ADAMTS20: variants seen among roughly 807,000 people sequenced by gnomAD.
ADAMTS20 encodes the protein ADAM metallopeptidase with thrombospondin type 1 motif 20, also known as A disintegrin and metalloproteinase with thrombospondin motifs 20.
In ADAMTS20, 225 loss-of-function variants were observed where a neutral mutation model predicts 260.1. The observed-to-expected ratio is 0.87, with a 90% confidence interval of 0.78 to 0.97. The LOEUF (loss-of-function observed/expected upper bound fraction) is 0.97. Among genes scored for constraint, ADAMTS20 ranks in the 50% least tolerant of loss-of-function variants. The probability of loss-of-function intolerance (pLI) is 0.00; values close to 1 mark genes in which losing one functional copy is unlikely to be tolerated. For synonymous variants in ADAMTS20, 802 were observed against 769.5 expected, an observed-to-expected ratio of 1.04 and a Z score of -0.70; for missense variants, 2,400 against 2,337.7, an observed-to-expected ratio of 1.03 and a Z score of -0.55.
rs542259243 is a variant in ADAMTS20 at position 43,537,629 on chromosome 12, T to C, written c.454-5434A>G. ...AGGTCTTACTCATTCTAATTTTTTA[T>C]ACTCATTAACCATCCCCACCTCTCC... On this transcript the variant is annotated intron_variant, in intron 2 of 38. Transcript: ENST00000389420. Among the ~76,000 whole-genome samples, 4 of 152,272 alleles carry C rather than the reference T, an allele frequency of 2.6e-5. No individual in the cohort carries two copies. The South Asian group carries it at 8.3e-4, about 32-fold the overall frequency.
intron 16 of ADAMTS20, among the ~76,000 whole-genome samples, chr12:43,440,427 C>T (rs1290774910): frequency 2.6e-5 from 4 of 152,238 alleles, no homozygotes; most frequent in Non-Finnish European, 5.9e-5. Flanking sequence ...GGATTACAGG[C>T]GTGAGCAACC....
intron 7 of ADAMTS20, among the ~76,000 whole-genome samples, chr12:43,487,955 GAA>G (rs1336874703): frequency 3.3e-5 from 5 of 152,086 alleles, no homozygotes; most frequent in Non-Finnish European, 7.4e-5. Flanking sequence ...CAGATTCTAA[GAA>G]AAAGAGAGGA....
chr12:43,448,572 C>T (rs868849201), intron 14 of ADAMTS20, among the ~76,000 whole-genome samples: 9 of 152,020 alleles, frequency 5.9e-5, no homozygotes, highest in Admixed American at 1.3e-4. Flanking sequence ...ATTCTGGACA[C>T]AAGAACTGGC....
At chr12:43,441,959 T>A (rs1941673625) in intron 16 of ADAMTS20, among the ~76,000 whole-genome samples, 1 of 152,204 alleles carries the variant, frequency 6.6e-6, no homozygotes, top group South Asian at 2.1e-4. Context: ...AAGATCTATA[T>A]TTAGTCTATG....
At chr12:43,522,185 CA>C (rs1943081058) in intron 3 of ADAMTS20, among the ~76,000 whole-genome samples, 2 of 149,138 alleles carry the variant, frequency 1.3e-5, no homozygotes, top group South Asian at 2.2e-4. Flanking sequence ...AGTGAGGAAG[CA>C]AGGCACGTTA....
At chr12:43,410,202 T>C (rs894093638) in intron 28 of ADAMTS20, among the ~76,000 whole-genome samples, 6 of 152,062 alleles carry the variant, frequency 3.9e-5, no homozygotes, top group Non-Finnish European at 5.9e-5. Flanking sequence ...AAGAAAAAGT[T>C]ATCAAAACCA....
intron 7 of ADAMTS20, among the ~76,000 whole-genome samples, chr12:43,471,220 G>A (rs906401582): frequency 2.0e-5 from 3 of 152,144 alleles, no homozygotes; most frequent in Non-Finnish European, 2.9e-5. Flanking sequence ...AAAGAAAGGG[G>A]TGACGGACGC....
Position 43,410,692 on chromosome 12 carries a change from A to C in ADAMTS20, c.4285-11459T>G, listed in dbSNP as rs1285879110. ...CAAAAGATATAGATGAAAGGATTAG[A>C]GATTACTTCTAGGGGAGGAAAGACT... On this transcript the variant is annotated intron_variant, in intron 28 of 38. Transcript: ENST00000389420. 5.9e-5 allele frequency among the ~76,000 whole-genome samples: 9 copies of C among 152,220 alleles called. No homozygotes were observed. In the East Asian group the frequency reaches 1.7e-3, roughly 29 times the overall value.
At chr12:43,427,138 A>T (rs548193574) in intron 27 of ADAMTS20, among the ~76,000 whole-genome samples, 170 bp downstream of exon 27, 1 of 152,308 alleles carries the variant, frequency 6.6e-6, no homozygotes, top group African/African-American at 2.4e-5. Flanking sequence ...ACGACACTGC[A>T]TTCCAGCCTG....
intron 6 of ADAMTS20, 150 bp from the exon 7 acceptor site, chr12:43,490,585 A>C (rs897829928): frequency 1.3e-5 from 6 of 463,614 alleles, no homozygotes; most frequent in Non-Finnish European, 2.3e-5. Context: ...AAAAGTCTAA[A>C]CCTAGAGTAA....
chr12:43,357,164 G>T (rs1939764333), intron 37 of ADAMTS20, among the ~76,000 whole-genome samples: 1 of 152,032 alleles, frequency 6.6e-6, no homozygotes, highest in Admixed American at 6.6e-5. Flanking sequence ...CAGTTAAATT[G>T]TAAATATTAA....
At chr12:43,484,268 A>T (rs1942486727) in intron 7 of ADAMTS20, among the ~76,000 whole-genome samples, 1 of 152,182 alleles carries the variant, frequency 6.6e-6, no homozygotes, top group African/African-American at 2.4e-5. Context: ...CAATATTAAA[A>T]ACAGGGTTCT....
intron 4 of ADAMTS20, among the ~76,000 whole-genome samples, chr12:43,501,075 T>TTTTTTTG (rs1942752013): frequency 1.4e-5 from 2 of 142,746 alleles, no homozygotes; most frequent in African/African-American, 2.6e-5. Flanking sequence ...TTTTTTTTTT[T>TTTTTTTG]GAGTCATAGT....
intron 14 of ADAMTS20, among the ~76,000 whole-genome samples, chr12:43,450,254 T>C (rs1294606418): frequency 1.3e-5 from 2 of 152,188 alleles, no homozygotes; most frequent in Non-Finnish European, 2.9e-5. Flanking sequence ...GCAGCTCCTC[T>C]CCATGAAGAA....
At chr12:43,402,393 A>G (rs2137256643) in intron 28 of ADAMTS20, among the ~76,000 whole-genome samples, 1 of 152,182 alleles carries the variant, frequency 6.6e-6, no homozygotes, top group Non-Finnish European at 1.5e-5. Flanking sequence ...TATGCTTTAT[A>G]CTTTTAAAGT....
intron 3 of ADAMTS20, among the ~76,000 whole-genome samples, chr12:43,511,598 G>A (rs1305970914): frequency 1.3e-5 from 2 of 152,060 alleles, no homozygotes; most frequent in Non-Finnish European, 2.9e-5. Flanking sequence ...TGAAGAGCAA[G>A]ACAAAAGAGT....
In ADAMTS20 at chr12:43,432,656, T is replaced by C; in HGVS notation, c.2876A>G (p.Glu959Gly). The change falls in exon 20 of 39, where the codon GAA becomes GGA. Residue 959 changes from glutamate to glycine, a missense_variant. Glu to Gly is a moderately conservative substitution (Grantham distance 98, BLOSUM62 -2). Coordinates refer to ENST00000389420, the MANE Select transcript of ADAMTS20 (RefSeq NM_025003.5). ...CGDQLKPPTQ[E>G]LCHGNCVFTR... The stretch of plus-strand genomic sequence containing the variant: ...GAAGACACAGTTACCATGGCATAGT[T>C]CTTGGGTAGGAGGTTTAAGCTGGTC... 6.2e-7 allele frequency: 1 copy of C among 1,613,984 alleles called. No homozygotes were observed.
chr12:43,401,570 T>C (rs147233336), intron 28 of ADAMTS20, among the ~76,000 whole-genome samples: 1,697 of 152,036 alleles, frequency 0.011, 95 homozygotes, highest in Admixed American at 0.098. Flanking sequence ...TCTTCTACTC[T>C]ATAACTTTAG....
At chr12:43,404,178 GACACACACACACACACAC>G (rs3031172) in intron 28 of ADAMTS20, among the ~76,000 whole-genome samples, 4 of 145,902 alleles carry the variant, frequency 2.7e-5, no homozygotes, top group Admixed American at 6.9e-5. Flanking sequence ...ATATTGTGGG[GACACACACACACACACAC>G]ACACACACAC....
Sources: gnomAD v4.1 joint callset for allele counts (sites outside exome capture counted in the v4.1 genomes callset) on GRCh38, gnomAD v4.1.1 for gene constraint, MANE v1.5 for transcripts, NCBI Gene and HGNC (gene_info 2026-07-23, HGNC 2026-07-21) for gene names.